Variants in BRCA2 observed in about 807,000 individuals in gnomAD.
BRCA2 encodes breast cancer type 2 susceptibility protein.
Under a neutral mutation model 276.7 loss-of-function variants are expected in BRCA2, and 203 were observed. The ratio of observed to expected loss-of-function variants is 0.73; its 90% CI spans 0.65 to 0.82. The LOEUF is 0.82. Among genes scored for constraint, BRCA2 ranks in the 40% least tolerant of loss-of-function variants. The probability of loss-of-function intolerance (pLI) is 0.00; values close to 1 mark genes in which losing one functional copy is unlikely to be tolerated. For synonymous variants in BRCA2, 1,289 were observed against 1,338.4 expected (o/e 0.96, Z 0.81); for missense variants, 3,920 against 3,915.0 (o/e 1.00, Z -0.03).
chr13:32,373,061 T>A (rs960141983), intron 20 of BRCA2, among the ~76,000 whole-genome samples: 1 of 151,528 alleles, frequency 6.6e-6, no homozygotes. Context: ...GGAGAGATAC[T>A]GGCTCACTGC....
chr13:32,336,667 T>C lies in BRCA2; in HGVS notation c.2312T>C (p.Leu771Ser). The change falls in exon 11 of 27, where the codon TTA (leucine) becomes TCA (serine). Residue 771 changes from leucine to serine, a missense_variant. This residue lies in a region of BRCA2 where 3,263 missense variants were observed against 3,156.9 expected (regional missense o/e 1.03). Coordinates refer to ENST00000380152, the MANE Select transcript of BRCA2 (RefSeq NM_000059.4). Reference sequence around the variant, plus strand: ...CATGAAAATGCCAGCACTCTTATTTTAACTCCTACTTCCAAGGATGTTCTG... The same window carrying C: ...CATGAAAATGCCAGCACTCTTATTTCAACTCCTACTTCCAAGGATGTTCTG... The part of the protein sequence containing the change: ...YDHENASTLI[L>S]TPTSKDVLSN... 1 of 1,613,982 alleles carries C rather than the reference T, an allele frequency of 6.2e-7. No homozygotes were observed. The highest frequency in any genetic ancestry group is 1.3e-5 in the African/African-American group (1 of 75,046).
Position 32,340,575 on chromosome 13 carries a change from C to T in BRCA2, c.6220C>T (p.His2074Tyr), listed in dbSNP as rs34309943. The T allele has an allele frequency of 3.1e-6, 5 of 1,612,008 alleles. No individual in the cohort carries two copies. The highest frequency in any genetic ancestry group is 1.3e-5 in the African/African-American group (1 of 74,882). Residue 2074 changes from histidine to tyrosine, a missense_variant, in exon 11 of 27, where the codon CAC (histidine) becomes TAC (tyrosine). His to Tyr is a moderately conservative substitution (Grantham distance 83). Around this residue, in one of 2 missense-constraint regions of BRCA2, gnomAD observed 3,263 missense variants for 3,156.9 expected, o/e 1.03. Coordinates refer to ENST00000380152, the MANE Select transcript of BRCA2 (RefSeq NM_000059.4). The part of the protein sequence containing the change: ...KQVSILESSL[H>Y]KVKGVLEEFD... ...AGTTTCCATTTTAGAAAGTTCCTTA[C>T]ACAAAGTTAAGGGAGTGTTAGAGGA...
Position 32,338,917 on chromosome 13 carries a change from T to C in BRCA2, c.4562T>C (p.Leu1521Pro), listed in dbSNP as rs1200198184. The C allele has an allele frequency of 1.9e-6, 3 of 1,613,970 alleles. No individual in the cohort carries two copies. Among genetic ancestry groups the C allele is most frequent in the Admixed American group, 3.3e-5 (2 of 60,010 alleles). ...ERDEKIKEPT[L>P]LGFHTASGKK... The stretch of plus-strand genomic sequence containing the variant: ...GATGAAAAGATCAAAGAACCTACTC[T>C]ATTGGGTTTTCATACAGCTAGCGGG... Residue 1521 changes from leucine (L) to proline (P), a missense_variant, in exon 11 of 27, where the codon CTA becomes CCA. By Grantham distance (98) the Leu-to-Pro change is moderately conservative. Transcript: ENST00000380152.
Position 32,341,336 on chromosome 13 carries a change from T to C in BRCA2, c.6841+140T>C, listed in dbSNP as rs908731088. The C allele has an allele frequency of 8.6e-6, 10 of 1,159,632 alleles. No homozygotes were observed. In the Admixed American group the frequency reaches 1.1e-4, roughly 13 times the overall value. The allele number at this position is 1,159,632 out of a possible 1,614,324, so 71.8% of individuals were successfully genotyped here. On this transcript the variant is annotated intron_variant, in intron 11 of 26. Transcript: ENST00000380152. ...TTTGTGTAGTCAGTTTGGGGGAGTA[T>C]GGTTTGATATACAGATACACAGATT...
chr13:32,333,303 C>A lies in BRCA2; in HGVS notation c.1825C>A (p.Gln609Lys), dbSNP rs80358472. The part of the protein sequence containing the change: ...SYKGKKIPKD[Q>K]KSELINCSAQ... ...TAAAGGAAAAAAAATACCGAAAGAC[C>A]AAAAATCAGAACTAATTAACTGTTC... The change falls in exon 10 of 27, where the codon CAA becomes AAA. Residue 609 changes from glutamine to lysine, a missense_variant. By Grantham distance (53) the Gln-to-Lys change is moderately conservative. Around this residue, in one of 2 missense-constraint regions of BRCA2, gnomAD observed 3,263 missense variants for 3,156.9 expected, o/e 1.03. Coordinates refer to ENST00000380152, the MANE Select transcript of BRCA2 (RefSeq NM_000059.4). 6.2e-7 allele frequency: 1 copy of A among 1,605,084 alleles called. No homozygotes were observed. The highest frequency in any genetic ancestry group is 1.3e-5 in the African/African-American group (1 of 74,100).
At position 32,331,491 on chromosome 13, in the gene BRCA2, C is replaced by A. The variant is rs11571638; in HGVS notation, c.793+461C>A. Among the ~76,000 whole-genome samples the A allele has an allele frequency of 0.041, 6,226 of 152,138 alleles. 218 individuals are homozygous for A. The highest frequency in any genetic ancestry group is 0.11 in the South Asian group (548 of 4,816). On this transcript the variant is annotated intron_variant, in intron 9 of 26. Coordinates refer to ENST00000380152, the MANE Select transcript of BRCA2 (RefSeq NM_000059.4). ...GGTGGGAGGATCGCTTAAGCCCAGG[C>A]GGTCAAGGTTGCAGTGAGCTGTGTG...
intron 11 of BRCA2, among the ~76,000 whole-genome samples, chr13:32,341,576 C>T (rs1235326623): frequency 6.6e-6 from 1 of 152,154 alleles, no homozygotes; most frequent in Non-Finnish European, 1.5e-5. Context: ...TTTTCATATA[C>T]ATAGCAAGTT....
At chr13:32,336,195 T>C (rs2072446245) in intron 10 of BRCA2, 70 bp from the exon 11 acceptor site, 1 of 1,499,210 alleles carries the variant, frequency 6.7e-7, no homozygotes, top group South Asian at 1.3e-5. Context: ...CCTTTTTAAC[T>C]TAGTGAAAAA....
At chr13:32,347,408 A>G (rs2072619415) in intron 13 of BRCA2, among the ~76,000 whole-genome samples, 1 of 152,206 alleles carries the variant, frequency 6.6e-6, no homozygotes, top group Non-Finnish European at 1.5e-5. Context: ...AAAGATTCAA[A>G]TTGGCAGCAA....
Position 32,396,980 on chromosome 13 carries a change from C to G in BRCA2, c.9584C>G (p.Thr3195Ser), listed in dbSNP as rs431825376. 6.2e-7 allele frequency: 1 copy of G among 1,614,086 alleles called. No individual in the cohort carries two copies. The change falls in exon 26 of 27, where the codon ACT (threonine) becomes AGT (serine). Residue 3195 changes from threonine (T) to serine (S), a missense_variant. Coordinates refer to ENST00000380152, the MANE Select transcript of BRCA2 (RefSeq NM_000059.4). ...AATGATCCCAAGTGGTCCACCCCAA[C>G]TAAAGACTGTACTTCAGGGCCGTAC... ...HANDPKWSTP[T>S]KDCTSGPYTA...
chr13:32,336,517 C>A lies in BRCA2; in HGVS notation c.2162C>A (p.Pro721Gln). The change falls in exon 11 of 27, where the codon CCA becomes CAA. Residue 721 changes from proline to glutamine, a missense_variant. Coordinates refer to ENST00000380152, the MANE Select transcript of BRCA2 (RefSeq NM_000059.4). ...CAGGAAGGACAGTGTGAAAATGATCCAAAAAGCAAAAAAGTTTCAGATATA... is the reference window on the plus strand; with the variant it reads ...CAGGAAGGACAGTGTGAAAATGATCAAAAAAGCAAAAAAGTTTCAGATATA... ...CLQEGQCEND[P>Q]KSKKVSDIKE... 1 of 1,613,854 alleles carries A rather than the reference C, an allele frequency of 6.2e-7. No individual in the cohort carries two copies. Among genetic ancestry groups the A allele is most frequent in the South Asian group, 1.1e-5 (1 of 91,042 alleles).
chr13:32,356,287 C>T, intron 14 of BRCA2, 141 bp from the exon 15 acceptor site: 2 of 765,768 alleles, frequency 2.6e-6, no homozygotes, highest in South Asian at 3.2e-5. Flanking sequence ...TCAGGCTGGT[C>T]TTGAACTCCC....
In BRCA2 at chr13:32,336,326, G is replaced by A. The variant is rs1344459716; in HGVS notation, c.1971G>A (p.Leu657=). 6.2e-7 allele frequency: 1 copy of A among 1,604,380 alleles called. No homozygotes were observed. The highest frequency in any genetic ancestry group is 1.7e-5 in the Admixed American group (1 of 58,410). ...CSQNDSEEPT[L]SLTSSFGTIL... Reference sequence around the variant, plus strand: ...AGAATGATTCTGAAGAACCAACTTTGTCCTTAACTAGCTCTTTTGGGACAA... The same window carrying A: ...AGAATGATTCTGAAGAACCAACTTTATCCTTAACTAGCTCTTTTGGGACAA... Residue 657 remains leucine (L), a synonymous_variant, in exon 11 of 27, where the codon TTG becomes TTA. Transcript: ENST00000380152.
intron 24 of BRCA2, among the ~76,000 whole-genome samples, chr13:32,386,363 G>A (rs763455645): frequency 6.6e-6 from 1 of 152,060 alleles, no homozygotes; most frequent in South Asian, 2.1e-4. Context: ...AAATGAGATC[G>A]CACCACTGCA....
chr13:32,341,867 CAA>C (rs748134067), intron 11 of BRCA2, among the ~76,000 whole-genome samples: 8 of 97,390 alleles, frequency 8.2e-5, no homozygotes, highest in Non-Finnish European at 4.4e-5. Flanking sequence ...GACTCCGTCT[CAA>C]AAAAAAAAAA....
At position 32,340,348 on chromosome 13, in the gene BRCA2, A is replaced by G. The variant is rs80358835; in HGVS notation, c.5993A>G (p.Gln1998Arg). The G allele has an allele frequency of 6.2e-7, 1 of 1,613,996 alleles. No homozygotes were observed. The highest frequency in any genetic ancestry group is 8.5e-7 in the Non-Finnish European group (1 of 1,179,938). ...VSDASLQNAR[Q>R]VFSEIEDSTK... ...GATGCTTCATTACAAAACGCAAGAC[A>G]AGTGTTTTCTGAAATAGAAGATAGT... Residue 1998 changes from glutamine (Q) to arginine (R), a missense_variant, in exon 11 of 27, where the codon CAA becomes CGA. Gln to Arg is a conservative substitution (Grantham distance 43, BLOSUM62 1). Around this residue, in one of 2 missense-constraint regions of BRCA2, gnomAD observed 3,263 missense variants for 3,156.9 expected, o/e 1.03. Transcript: ENST00000380152.
chr13:32,355,432 T>C, intron 14 of BRCA2, 144 bp downstream of exon 14: 1 of 961,902 alleles, frequency 1.0e-6, no homozygotes, highest in South Asian at 1.6e-5. Flanking sequence ...AATCCAAAGA[T>C]TAGGTTTAAA....
intron 2 of BRCA2, among the ~76,000 whole-genome samples, chr13:32,317,203 C>T (rs2072269910): frequency 6.6e-6 from 1 of 151,800 alleles, no homozygotes; most frequent in African/African-American, 2.4e-5. Context: ...TGTCTCAAAA[C>T]AAACAAACAA....
chr13:32,360,061 C>T (rs532932900), intron 16 of BRCA2, among the ~76,000 whole-genome samples: 9 of 152,206 alleles, frequency 5.9e-5, no homozygotes, highest in Non-Finnish European at 1.0e-4. Context: ...CAAGGAGATG[C>T]GATTTTTAAT....
Sources: gnomAD v4.1 joint callset for allele counts (sites outside exome capture counted in the v4.1 genomes callset) on GRCh38, gnomAD v4.1.1 for gene constraint, gnomAD v4.1.1 regional missense constraint, MANE v1.5 for transcripts, NCBI Gene and HGNC (gene_info 2026-07-23, HGNC 2026-07-21) for gene names.